Variants in GPC5 observed in about 807,000 individuals in gnomAD.
GPC5 encodes glypican 5, also known as glypican-5.
In GPC5, 47 loss-of-function variants were observed where a neutral mutation model predicts 53.9. The observed-to-expected ratio is 0.87, with a 90% CI of 0.69 to 1.11. The LOEUF (loss-of-function observed/expected upper bound fraction) is 1.11. Ranked by LOEUF, GPC5 falls within the 50% of genes most tolerant of loss-of-function variation. GPC5 has a pLI of 0.00. For missense variants in GPC5, 748 were observed against 713.1 expected (o/e 1.05, Z -0.56); for synonymous variants, 286 against 263.3 (o/e 1.09, Z -0.84).
intron 7 of GPC5, among the ~76,000 whole-genome samples, chr13:92,621,945 A>G (rs1052378930): frequency 8.5e-5 from 13 of 152,162 alleles, no homozygotes; most frequent in African/African-American, 2.9e-4. Flanking sequence ...AACAACAATA[A>G]TAATAATAAT....
intron 5 of GPC5, among the ~76,000 whole-genome samples, chr13:91,843,721 G>A (rs544212492): frequency 6.6e-6 from 1 of 152,264 alleles, no homozygotes; most frequent in East Asian, 1.9e-4. Flanking sequence ...GCAGATTGGA[G>A]GAAGGGAGAT....
At chr13:92,145,515 TTG>T (rs1167437391) in intron 7 of GPC5, among the ~76,000 whole-genome samples, 1 of 151,964 alleles carries the variant, frequency 6.6e-6, no homozygotes, top group East Asian at 1.9e-4. Context: ...TTGATTTTGA[TTG>T]TATGGATTTG....
chr13:92,014,080 A>G (rs1230595834), intron 6 of GPC5, among the ~76,000 whole-genome samples: 2 of 152,134 alleles, frequency 1.3e-5, no homozygotes, highest in East Asian at 1.9e-4. Context: ...TACTTTAATC[A>G]TTTTTATAAA....
At chr13:91,863,889 G>T (rs572896559) in intron 5 of GPC5, among the ~76,000 whole-genome samples, 1 of 152,262 alleles carries the variant, frequency 6.6e-6, no homozygotes, top group African/African-American at 2.4e-5. Flanking sequence ...TACATAAAAA[G>T]GAAGCTGATG....
intron 7 of GPC5, among the ~76,000 whole-genome samples, chr13:92,169,093 A>G (rs915565628): frequency 1.3e-5 from 2 of 152,102 alleles, no homozygotes; most frequent in Non-Finnish European, 2.9e-5. Flanking sequence ...AGAACCAAAC[A>G]CTGCATGTTC....
intron 7 of GPC5, among the ~76,000 whole-genome samples, chr13:92,681,127 C>G (rs1245934079): frequency 3.3e-5 from 5 of 151,724 alleles, no homozygotes; most frequent in Non-Finnish European, 7.4e-5. Context: ...TAGTTTTAAC[C>G]TCATCCCTTA....
intron 7 of GPC5, among the ~76,000 whole-genome samples, chr13:92,261,740 G>T (rs944761298): frequency 2.0e-5 from 3 of 151,810 alleles, no homozygotes; most frequent in Admixed American, 6.6e-5. Context: ...TGTAAATATT[G>T]GAAAAAATAG....
chr13:91,519,905 A>G (rs1048906479), intron 2 of GPC5, among the ~76,000 whole-genome samples: 4 of 152,114 alleles, frequency 2.6e-5, no homozygotes, highest in Non-Finnish European at 5.9e-5. Context: ...AGTTCCAAGG[A>G]AAAAAAGAAC....
chr13:92,385,437 CATATATACAT>C (rs1199036189), intron 7 of GPC5, among the ~76,000 whole-genome samples: 18 of 64,058 alleles, frequency 2.8e-4, no homozygotes, highest in East Asian at 2.1e-3. Flanking sequence ...TACATATATA[CATATATACAT>C]ATATACATAT....
rs140450148 is a variant in GPC5 at position 91,403,208 on chromosome 13, A to G, written c.163+3999A>G. ...GACATTGGGGCAGATGATTAACATCAGGATTGCCCTGGGTCGAAGCCCACC... is the reference window on the plus strand; with the variant it reads ...GACATTGGGGCAGATGATTAACATCGGGATTGCCCTGGGTCGAAGCCCACC... On this transcript the variant is annotated intron_variant, in intron 1 of 7. Coordinates refer to ENST00000377067, the MANE Select transcript of GPC5 (RefSeq NM_004466.6). Among the ~76,000 whole-genome samples the G allele has an allele frequency of 1.5e-3, 230 of 152,374 alleles. 1 individual carries two copies. In the Middle Eastern group the frequency reaches 0.017, roughly 11 times the overall value.
At chr13:91,666,374 A>G (rs1276667937) in intron 2 of GPC5, among the ~76,000 whole-genome samples, 1 of 152,130 alleles carries the variant, frequency 6.6e-6, no homozygotes, top group East Asian at 1.9e-4. Flanking sequence ...TAATTTAATT[A>G]TTTTCCTCAG....
chr13:92,046,462 G>T (rs963343625), intron 6 of GPC5, among the ~76,000 whole-genome samples: 6 of 152,164 alleles, frequency 3.9e-5, no homozygotes, highest in African/African-American at 1.4e-4. Flanking sequence ...ACTATATGAA[G>T]TTTTATAATT....
At chr13:92,023,759 A>G (rs530525704) in intron 6 of GPC5, among the ~76,000 whole-genome samples, 2 of 151,798 alleles carry the variant, frequency 1.3e-5, no homozygotes, top group Non-Finnish European at 2.9e-5. Context: ...ATATTTTTGT[A>G]TTGATCTATT....
At chr13:91,556,561 A>G (rs1345558738) in intron 2 of GPC5, among the ~76,000 whole-genome samples, 1 of 150,918 alleles carries the variant, frequency 6.6e-6, no homozygotes, top group African/African-American at 2.4e-5. Flanking sequence ...GTGTGTATAT[A>G]TATATATATA....
rs535263005 is a variant in GPC5, at chr13:91,697,981, A to G, written c.1020+4100A>G. 1.1e-3 allele frequency among the ~76,000 whole-genome samples: 169 copies of G among 149,538 alleles called. 1 individual carries two copies. The highest frequency in any genetic ancestry group is 2.0e-3 in the Non-Finnish European group (138 of 67,632). On this transcript the variant is annotated intron_variant, in intron 3 of 7. Coordinates refer to ENST00000377067, the MANE Select transcript of GPC5 (RefSeq NM_004466.6). The stretch of plus-strand genomic sequence containing the variant: ...CAATGGCGCGATCTTGGCTCACTGC[A>G]TCCTCCACCTCCCGGGTTCAAGCAA...
chr13:91,794,449 G>A (rs1038532943), intron 5 of GPC5, among the ~76,000 whole-genome samples: 2 of 152,076 alleles, frequency 1.3e-5, no homozygotes, highest in African/African-American at 4.8e-5. Flanking sequence ...CCTCCAAAAG[G>A]GACAGGCTCT....
At chr13:92,435,096 G>A (rs1877248585) in intron 7 of GPC5, among the ~76,000 whole-genome samples, 1 of 152,026 alleles carries the variant, frequency 6.6e-6, no homozygotes, top group Non-Finnish European at 1.5e-5. Context: ...TGTATTTTTA[G>A]TAGAGACGGG....
chr13:92,105,422 T>C (rs1238072059), intron 6 of GPC5, among the ~76,000 whole-genome samples: 1 of 152,138 alleles, frequency 6.6e-6, no homozygotes, highest in Non-Finnish European at 1.5e-5. Flanking sequence ...TTTCACACTT[T>C]CATTTGATAT....
At position 92,036,051 on chromosome 13, in the gene GPC5, C is replaced by A. The variant is rs532182579; in HGVS notation, c.1402-108779C>A. ...TGTTTTTAGTTTGATAGTTCTATCA[C>A]ATCAACCATATGTAAAATCCATCTT... On this transcript the variant is annotated intron_variant, in intron 6 of 7. Transcript: ENST00000377067. Among the ~76,000 whole-genome samples, 101 of 152,298 alleles carry A rather than the reference C, an allele frequency of 6.6e-4. 2 individuals carry two copies. Among genetic ancestry groups the A allele is most frequent in the Non-Finnish European group, 4.4e-4 (30 of 68,022 alleles).
Sources: gnomAD v4.1 joint callset for allele counts (sites outside exome capture counted in the v4.1 genomes callset) on GRCh38, gnomAD v4.1.1 for gene constraint, MANE v1.5 for transcripts, NCBI Gene and HGNC (gene_info 2026-07-23, HGNC 2026-07-21) for gene names.